The following SRP19 variants were observed in gnomAD, a reference collection of about 807,000 sequenced individuals.
SRP19 encodes the protein signal recognition particle 19 kDa protein.
A neutral mutation model predicts 22.4 loss-of-function variants in SRP19; 11 were observed. The ratio of observed to expected loss-of-function variants is 0.49; its 90% CI spans 0.31 to 0.81. The LOEUF (loss-of-function observed/expected upper bound fraction) is 0.81. Ranked by LOEUF, SRP19 falls within the 40% of genes least tolerant of loss-of-function variation. The probability of loss-of-function intolerance (pLI) is 0.05; values close to 1 mark genes in which losing one functional copy is unlikely to be tolerated. For missense variants in SRP19, 168 were observed against 175.9 expected (o/e 0.96, Z 0.25); for synonymous variants, 61 against 57.6 (o/e 1.06, Z -0.27).
chr5:112,873,345 CTT>C (rs71626678), downstream of SRP19, among the ~76,000 whole-genome samples: 2,570 of 58,946 alleles, frequency 0.044, 102 homozygotes, highest in East Asian at 0.22. Flanking sequence ...CTTTCCTATT[CTT>C]TTTTTTTTTT....
downstream of SRP19, among the ~76,000 whole-genome samples, chr5:112,871,512 T>C (rs1767759731): frequency 6.6e-6 from 1 of 151,958 alleles, no homozygotes; most frequent in South Asian, 2.1e-4. Context: ...ATCTCAGCAC[T>C]TTGGGAGGCT....
chr5:112,875,425 C>T (rs1226458032), intron 4 of SRP19, among the ~76,000 whole-genome samples: 5 of 151,114 alleles, frequency 3.3e-5, no homozygotes, highest in African/African-American at 1.2e-4. Context: ...CTGGAGTGCA[C>T]TGGCACCGTC....
chr5:112,897,401 A>G (rs1469396251), downstream of SRP19: 2 of 151,950 alleles, frequency 1.3e-5, no homozygotes, highest in African/African-American at 2.4e-5. Context: ...ACACAAATGT[A>G]AACAGTAGGA....
exon 5 of SRP19, chr5:112,892,349 C>T (rs763805816): frequency 1.2e-6 from 2 of 1,614,106 alleles, no homozygotes; most frequent in East Asian, 2.2e-5. Context: ...GAGGAAGAAA[C>T]CTACCAACAG....
At chr5:112,873,038 A>G (rs1767791315), downstream of SRP19, among the ~76,000 whole-genome samples, 3 of 148,048 alleles carry the variant, frequency 2.0e-5, no homozygotes, top group South Asian at 2.1e-4. Context: ...TATTATCATG[A>G]TCCTGGTTCC....
chr5:112,878,527 A>T, intron 4 of SRP19: 1 of 484,752 alleles, frequency 2.1e-6, no homozygotes, highest in Non-Finnish European at 3.6e-6. Flanking sequence ...CAGGATAGCA[A>T]CATACATCTT....
At chr5:112,894,906 C>T (rs1167067353), downstream of SRP19, 3 of 152,048 alleles carry the variant, frequency 2.0e-5, no homozygotes, top group African/African-American at 7.2e-5. Flanking sequence ...AAAACCAGAG[C>T]ATTAAGGTGA....
At chr5:112,888,028 T>C (rs552916417) in intron 4 of SRP19, among the ~76,000 whole-genome samples, 2 of 152,298 alleles carry the variant, frequency 1.3e-5, no homozygotes, top group South Asian at 4.1e-4. Flanking sequence ...TATTTTAGTT[T>C]AAAAGATTCT....
At chr5:112,876,131 AAAAC>A (rs1767889883) in intron 4 of SRP19, among the ~76,000 whole-genome samples, 1 of 152,348 alleles carries the variant, frequency 6.6e-6, no homozygotes, top group East Asian at 1.9e-4. Flanking sequence ...AGGTTAAAAA[AAAAC>A]AGTGGATTCG....
chr5:112,877,669 G>A (rs1044480306), intron 4 of SRP19: 4 of 152,062 alleles, frequency 2.6e-5, no homozygotes, highest in Non-Finnish European at 5.9e-5. Context: ...AGCAGATTAT[G>A]GGTTACTTTA....
chr5:112,878,008 TGTGTGTGTG>T, intron 4 of SRP19: 1 of 148,056 alleles, frequency 6.8e-6, no homozygotes, highest in South Asian at 2.2e-4. Context: ...TGTGTGTGTG[TGTGTGTGTG>T]TGTGTAAATT....
intron 1 of SRP19, 114 bp from the exon 2 acceptor site, chr5:112,862,394 G>T (rs1767436001): frequency 1.2e-6 from 1 of 851,826 alleles, no homozygotes; most frequent in Non-Finnish European, 2.0e-6. Context: ...TGAAAAGGGA[G>T]TACCCATCTG....
chr5:112,887,197 G>C (rs1278153708), intron 4 of SRP19: 1 of 1,565,468 alleles, frequency 6.4e-7, no homozygotes, highest in Admixed American at 1.7e-5. Context: ...CACAGAAAAA[G>C]AGCCAGCATG....
rs748471847 is a variant in SRP19 at position 112,861,412 on chromosome 5, G to A, written c.36G>A (p.Gln12=). ...ACAAARSPAD[Q]DRFICIYPAY... ...CTGCCGCGCGGTCCCCGGCCGACCA[G>A]GACAGGTGGGTTCTGAGGCGGTGGG... Residue 12 remains glutamine (Q), a synonymous_variant, in exon 1 of 5, where the codon CAG becomes CAA. Transcript: ENST00000505459. The A allele has an allele frequency of 1.8e-5, 29 of 1,613,928 alleles. No individual in the cohort carries two copies. The highest frequency in any genetic ancestry group is 2.2e-5 in the East Asian group (1 of 44,896).
intron 4 of SRP19, chr5:112,891,478 AAATG>A (rs1768445617): frequency 4.1e-6 from 4 of 967,038 alleles, no homozygotes; most frequent in Admixed American, 5.8e-5. Context: ...AGGAGAAACA[AAATG>A]AAAGTAATTT....
intron 4 of SRP19, chr5:112,877,745 A>C (rs568626974): frequency 6.6e-6 from 1 of 152,290 alleles, no homozygotes; most frequent in East Asian, 1.9e-4. Context: ...GTTGTTGCTA[A>C]TGATACAAAC....
chr5:112,895,821 T>G (rs1768664356), downstream of SRP19: 1 of 152,186 alleles, frequency 6.6e-6, no homozygotes, highest in African/African-American at 2.4e-5. Flanking sequence ...CTGGCTCTTT[T>G]CAATCAAGCT....
exon 5 of SRP19, chr5:112,892,174 T>C (rs985272280): frequency 4.3e-6 from 7 of 1,614,088 alleles, no homozygotes; most frequent in Non-Finnish European, 5.9e-6. Flanking sequence ...TAATTGTCCC[T>C]TCTACAGTAA....
At chr5:112,875,576 C>G (rs1052295638) in intron 4 of SRP19, among the ~76,000 whole-genome samples, 1 of 151,938 alleles carries the variant, frequency 6.6e-6, no homozygotes, top group Non-Finnish European at 1.5e-5. Context: ...CCATGTGGCC[C>G]AGGCTAGTCT....
Sources: gnomAD v4.1 joint callset for allele counts (sites outside exome capture counted in the v4.1 genomes callset) on GRCh38, gnomAD v4.1.1 for gene constraint, MANE v1.5 for transcripts, NCBI Gene and HGNC (gene_info 2026-07-23, HGNC 2026-07-21) for gene names.